Variants in PCDHGA4 observed in about 807,000 individuals in gnomAD.
PCDHGA4 encodes the protein protocadherin gamma-A4.
PCDHGA4 carries 38 observed loss-of-function variants against 54.6 expected under a neutral mutation model. The observed-to-expected ratio is 0.70, with a 90% CI of 0.54 to 0.91. The LOEUF is 0.91. Ranked by LOEUF, PCDHGA4 falls within the 40% of genes least tolerant of loss-of-function variation. The pLI is 0.00. For synonymous variants in PCDHGA4, 511 were observed against 512.9 expected, an observed-to-expected ratio of 1.00 and a Z score of 0.05; for missense variants, 1,298 against 1,220.9, an observed-to-expected ratio of 1.06 and a Z score of -0.94.
At position 141,415,593 on chromosome 5, in the gene PCDHGA4, G is replaced by A. The variant is rs201857595; in HGVS notation, c.2514+57972G>A. ...TAGATGATTCGAAGTTTCCTATAGA[G>A]GATACCCCATTGGTTCCAGTGAGTT... On this transcript the variant is annotated intron_variant, in intron 1 of 3. Transcript: ENST00000571252. The A allele has an allele frequency of 7.6e-5, 122 of 1,613,876 alleles. No homozygotes were observed. In the East Asian group the frequency reaches 2.7e-3, roughly 35 times the overall value.
At chr5:141,390,318 C>T in intron 1 of PCDHGA4, 1 of 1,609,020 alleles carries the variant, frequency 6.2e-7, no homozygotes, top group Non-Finnish European at 8.5e-7. Context: ...TGCTCATTGC[C>T]TACCCATTTC....
intron 1 of PCDHGA4, among the ~76,000 whole-genome samples, chr5:141,457,863 C>A (rs2098930968): frequency 6.6e-6 from 1 of 152,194 alleles, no homozygotes; most frequent in Non-Finnish European, 1.5e-5. Flanking sequence ...TCTTCACTGA[C>A]CACAGGTTAG....
chr5:141,371,793 C>T (rs768654364), intron 1 of PCDHGA4: 12 of 1,613,808 alleles, frequency 7.4e-6, no homozygotes, highest in Non-Finnish European at 9.3e-6. Context: ...GAACAATCCG[C>T]CTGGAGCCTC....
chr5:141,431,023 C>G lies in PCDHGA4; in HGVS notation c.2515-63784C>G. 6.2e-7 allele frequency: 1 copy of G among 1,613,748 alleles called. No homozygotes were observed. Among genetic ancestry groups the G allele is most frequent in the Non-Finnish European group, 8.5e-7 (1 of 1,179,820 alleles). On this transcript the variant is annotated intron_variant, in intron 1 of 3. Transcript: ENST00000571252. This position sits in a 1 kb window ranked among gnomAD's most constrained non-coding sequence, Gnocchi z 4.8. ...GCAGCGGCAGCTTGGTCACGGCGGG[C>G]AGGATAGACCGGGAGGAGCTCTGTA...
Position 141,361,665 on chromosome 5 carries a change from G to A in PCDHGA4, c.2514+4044G>A, listed in dbSNP as rs368441959. 2.6e-4 allele frequency: 414 copies of A among 1,613,696 alleles called. 2 individuals are homozygous for A. In the African/African-American group the frequency reaches 4.6e-3, roughly 18 times the overall value. ...TATCCTACGTGTCCGTGAGCGCGCA[G>A]AGCGGGGTGGTGTTCGCGCAGCGCG... On this transcript the variant is annotated intron_variant, in intron 1 of 3. Transcript: ENST00000571252.
intron 2 of PCDHGA4, among the ~76,000 whole-genome samples, chr5:141,496,180 GC>G (rs1054381604): frequency 1.4e-4 from 21 of 151,922 alleles, no homozygotes; most frequent in Non-Finnish European, 2.9e-4. Flanking sequence ...CATCCAAGCA[GC>G]CCCAGCTGCT....
rs781229038 is a variant in PCDHGA4, at chr5:141,489,990, A to C, written c.2515-4817A>C. 1.2e-4 allele frequency: 194 copies of C among 1,614,138 alleles called. No individual in the cohort carries two copies. Among genetic ancestry groups the C allele is most frequent in the Non-Finnish European group, 1.6e-4 (188 of 1,180,038 alleles). Reference sequence around the variant, plus strand: ...TCCAATCCTCAGTTCTACGTGTGGGAATCCCAGAGAATGCACCCATTGGTA... The same window carrying C: ...TCCAATCCTCAGTTCTACGTGTGGGCATCCCAGAGAATGCACCCATTGGTA... On this transcript the variant is annotated intron_variant, in intron 1 of 3. Transcript: ENST00000571252. The surrounding 1 kb of genome is among the most constrained non-coding windows in gnomAD (Gnocchi z 4.5).
intron 1 of PCDHGA4, chr5:141,421,422 C>A (rs908483513): frequency 6.2e-7 from 1 of 1,614,086 alleles, no homozygotes; most frequent in South Asian, 1.1e-5. Flanking sequence ...AGCGCGGAGT[C>A]CGCATCGTCT....
intron 1 of PCDHGA4, chr5:141,398,592 A>G: frequency 6.2e-7 from 1 of 1,614,068 alleles, no homozygotes; most frequent in South Asian, 1.1e-5. Flanking sequence ...TTATACTAGA[A>G]GTAGCAGAAG....
chr5:141,444,305 A>G (rs62379165), intron 1 of PCDHGA4, among the ~76,000 whole-genome samples: 13,327 of 151,310 alleles, frequency 0.088, 765 homozygotes, highest in African/African-American at 0.16. Context: ...CCTAGTAGCT[A>G]GGATTACAGG....
Position 141,403,721 on chromosome 5 carries a change from C to T in PCDHGA4, c.2514+46100C>T, listed in dbSNP as rs748888364. On this transcript the variant is annotated intron_variant, in intron 1 of 3. Coordinates refer to ENST00000571252, the MANE Select transcript of PCDHGA4 (RefSeq NM_018917.4). ...AGTTAAAGTCCTTGAGAACGTGCCC[C>T]CAGGCACCTGGCTGCTTACTGCAAC... 5 of 1,613,754 alleles carry T rather than the reference C, an allele frequency of 3.1e-6. No individual in the cohort carries two copies. The highest frequency in any genetic ancestry group is 2.2e-5 in the East Asian group (1 of 44,878).
chr5:141,374,292 G>A (rs1268827954), intron 1 of PCDHGA4: 4 of 1,613,966 alleles, frequency 2.5e-6, no homozygotes, highest in Non-Finnish European at 2.5e-6. Context: ...GTCTCCAGAG[G>A]TAGGATGCAG....
In PCDHGA4 at chr5:141,477,446, C is replaced by A; in HGVS notation, c.2515-17361C>A. 1 of 1,614,196 alleles carries A rather than the reference C, an allele frequency of 6.2e-7. No homozygotes were observed. The highest frequency in any genetic ancestry group is 8.5e-7 in the Non-Finnish European group (1 of 1,180,022). The stretch of plus-strand genomic sequence containing the variant: ...TTCCCTCTCAGCCCTTACAATAGTG[C>A]GTGTTCAAGTGTCCGACATCAATGA... On this transcript the variant is annotated intron_variant, in intron 1 of 3. Transcript: ENST00000571252. The surrounding 1 kb of genome is among the most constrained non-coding windows in gnomAD (Gnocchi z 4.9).
chr5:141,510,420 G>T (rs1275392355), intron 3 of PCDHGA4, among the ~76,000 whole-genome samples: 3 of 152,126 alleles, frequency 2.0e-5, no homozygotes, highest in African/African-American at 7.2e-5. Flanking sequence ...TAAAGCCATG[G>T]TTTCATGGCT....
intron 1 of PCDHGA4, chr5:141,384,303 G>C: frequency 6.2e-7 from 1 of 1,613,716 alleles, no homozygotes; most frequent in Non-Finnish European, 8.5e-7. Flanking sequence ...ACCCCAGAGG[G>C]GCCTCCATTT....
chr5:141,386,228 G>A (rs2090502520), intron 1 of PCDHGA4, among the ~76,000 whole-genome samples: 1 of 152,100 alleles, frequency 6.6e-6, no homozygotes, highest in Non-Finnish European at 1.5e-5. Context: ...TAGGTCTACT[G>A]AAAAATTCAG....
At chr5:141,463,629 GTT>G (rs923584581) in intron 1 of PCDHGA4, among the ~76,000 whole-genome samples, 5 of 151,314 alleles carry the variant, frequency 3.3e-5, no homozygotes, top group Middle Eastern at 3.4e-3. Flanking sequence ...TTTGTATTTT[GTT>G]TAGTAGAGAC....
At chr5:141,382,732 G>A in intron 1 of PCDHGA4, 1 of 562,814 alleles carries the variant, frequency 1.8e-6, no homozygotes, top group African/African-American at 1.9e-5. Context: ...TTACAGCACA[G>A]AGAAACGACA....
intron 1 of PCDHGA4, among the ~76,000 whole-genome samples, chr5:141,472,015 T>C (rs2099269555): frequency 6.6e-6 from 1 of 152,164 alleles, no homozygotes; most frequent in African/African-American, 2.4e-5. Flanking sequence ...AGGGGCACTA[T>C]ATTGTATGTA....
Sources: gnomAD v4.1 joint callset for allele counts (sites outside exome capture counted in the v4.1 genomes callset) on GRCh38, gnomAD v4.1.1 for gene constraint, Gnocchi (gnomAD v3.1) non-coding constraint, MANE v1.5 for transcripts, NCBI Gene and HGNC (gene_info 2026-07-23, HGNC 2026-07-21) for gene names.